The following TSC2 variants were observed in gnomAD, a reference collection of about 807,000 sequenced individuals.
The protein encoded by TSC2 is tuberin.
In TSC2, 29 loss-of-function variants were observed where a neutral mutation model predicts 202.2. The observed-to-expected ratio is 0.14, with a 90% CI of 0.11 to 0.20. TSC2 has a LOEUF of 0.20. Among genes scored for constraint, TSC2 ranks in the 10% least tolerant of loss-of-function variants. The probability of loss-of-function intolerance (pLI) is 1.00; values close to 1 mark genes in which losing one functional copy is unlikely to be tolerated. For missense variants in TSC2, 2,429 were observed against 2,420.0 expected, an observed-to-expected ratio of 1.00 and a Z score of -0.08; for synonymous variants, 1,349 against 1,044.0, an observed-to-expected ratio of 1.29 and a Z score of -5.63.
chr16:2,082,218 ACTTAGCGGCC>A, intron 31 of TSC2: 1 of 612,470 alleles, frequency 1.6e-6, no homozygotes, highest in Non-Finnish European at 2.9e-6. Context: ...TGCAGATGGC[ACTTAGCGGCC>A]TAGGACGTCT....
intron 31 of TSC2, 187 bp from the exon 32 acceptor site, chr16:2,082,249 G>C: frequency 1.5e-6 from 1 of 666,216 alleles, no homozygotes. Context: ...ATTCACGGGA[G>C]GAGGGAGGCA....
At chr16:2,056,433 C>G (rs1157876034) in intron 7 of TSC2, among the ~76,000 whole-genome samples, 189 bp downstream of exon 7, 1 of 152,228 alleles carries the variant, frequency 6.6e-6, no homozygotes, top group African/African-American at 2.4e-5. Flanking sequence ...AGATGTAGCT[C>G]AGGGTGGATG....
chr16:2,071,575 T>G lies in TSC2; in HGVS notation c.1905T>G (p.Asp635Glu), dbSNP rs1596342515. The G allele has an allele frequency of 6.2e-7, 1 of 1,613,494 alleles. No individual in the cohort carries two copies. Among genetic ancestry groups the G allele is most frequent in the Non-Finnish European group, 8.5e-7 (1 of 1,180,020 alleles). Residue 635 changes from aspartate to glutamate, a missense_variant, in exon 18 of 42, where the codon GAT becomes GAG. By Grantham distance (45) the Asp-to-Glu change is conservative (BLOSUM62 2). Transcript: ENST00000219476. ...SLHRLGLPNKDGVVRFSPYCV... is the reference protein window; with the variant it reads ...SLHRLGLPNKEGVVRFSPYCV... The stretch of plus-strand genomic sequence containing the variant: ...ACCGCCTGGGCCTGCCCAACAAGGA[T>G]GGAGTCGTGCGGTTCAGCCCCTACT...
At chr16:2,061,820 G>A in intron 11 of TSC2, 51 bp from the exon 12 acceptor site, 1 of 1,613,666 alleles carries the variant, frequency 6.2e-7, no homozygotes, top group Non-Finnish European at 8.5e-7. Context: ...CTGGTGCCAA[G>A]TCCATGTGGG....
In TSC2 at chr16:2,084,247, A is replaced by T; in HGVS notation, c.4025A>T (p.Gln1342Leu). Residue 1342 changes from glutamine to leucine, a missense_variant, in exon 34 of 42, where the codon CAG becomes CTG. Transcript: ENST00000219476. ...TTCTAGTCGTCCTCAGTCTCCAGCC[A>T]GGAGGAGAAGTCGCTCCACGCGGAG... Reference protein sequence around the residue: ...AYSRSSSVSSQEEKSLHAEEL... With the variant: ...AYSRSSSVSSLEEKSLHAEEL... 1 of 1,600,540 alleles carries T rather than the reference A, an allele frequency of 6.2e-7. No homozygotes were observed.
At position 2,088,199 on chromosome 16, in the gene TSC2, T is replaced by C. The variant is rs372242674; in HGVS notation, c.5161-28T>C. 24 of 1,580,448 alleles carry C rather than the reference T, an allele frequency of 1.5e-5. No homozygotes were observed. In the African/African-American group the frequency reaches 2.9e-4, roughly 19 times the overall value. On this transcript the variant is annotated intron_variant, in intron 40 of 41. Coordinates refer to ENST00000219476, the MANE Select transcript of TSC2 (RefSeq NM_000548.5). Reference sequence around the variant, plus strand: ...GACAGGCCCAGGTGCCACCTGATAGTGAGCTCACCCCCTGCCTACGTCCCC... The same window carrying C: ...GACAGGCCCAGGTGCCACCTGATAGCGAGCTCACCCCCTGCCTACGTCCCC...
intron 19 of TSC2, 98 bp from the exon 20 acceptor site, chr16:2,072,143 T>C: frequency 5.0e-6 from 8 of 1,596,028 alleles, no homozygotes; most frequent in Non-Finnish European, 6.0e-6. Flanking sequence ...CCATAGCCCT[T>C]GACGCTGTGC....
intron 31 of TSC2, 64 bp downstream of exon 31, chr16:2,081,862 G>A (rs1206257776): frequency 7.0e-6 from 11 of 1,577,322 alleles, no homozygotes; most frequent in Non-Finnish European, 8.6e-6. Flanking sequence ...CCCGGTGACG[G>A]CAATGTGGCT....
At chr16:2,081,127 A>G (rs1431712394) in intron 30 of TSC2, 1 of 262,882 alleles carries the variant, frequency 3.8e-6, no homozygotes, top group East Asian at 9.4e-5. Context: ...CTCCAGAGAC[A>G]GTCCCGTTCT....
intron 22 of TSC2, 80 bp downstream of exon 22, chr16:2,074,469 T>C: frequency 1.3e-6 from 2 of 1,545,174 alleles, no homozygotes; most frequent in Non-Finnish European, 1.8e-6. Flanking sequence ...GTGCCCTCTC[T>C]CAGGACTCCT....
At chr16:2,071,396 G>T in intron 17 of TSC2, 114 bp from the exon 18 acceptor site, 2 of 991,506 alleles carry the variant, frequency 2.0e-6, no homozygotes, top group South Asian at 1.4e-5. Context: ...CACATCAGCA[G>T]GTGGCCTTTT....
At chr16:2,078,354 C>T (rs906688798) in intron 26 of TSC2, 2 of 161,942 alleles carry the variant, frequency 1.2e-5, no homozygotes, top group Admixed American at 5.9e-5. Flanking sequence ...CCTGGAAGCC[C>T]GTTGCAGGCC....
intron 16 of TSC2, chr16:2,068,902 A>AT (rs2087796658): frequency 6.9e-6 from 1 of 144,866 alleles, no homozygotes; most frequent in Admixed American, 6.7e-5. Flanking sequence ...AATCATAAGG[A>AT]AGCGAAAATA....
intron 17 of TSC2, 117 bp downstream of exon 17, chr16:2,070,695 C>A: frequency 6.6e-7 from 1 of 1,518,200 alleles, no homozygotes; most frequent in South Asian, 1.2e-5. Flanking sequence ...CTCAGCTGAC[C>A]GTCCCTCCTC....
rs565779442 is a variant in TSC2, at chr16:2,066,953, C to T, written c.1716+1318C>T. ...CTGGGATTACAGGTGTGAGCCACCA[C>T]GCCCGGCCTGCCTCTACTTTTCAAA... On this transcript the variant is annotated intron_variant, in intron 16 of 41. Coordinates refer to ENST00000219476, the MANE Select transcript of TSC2 (RefSeq NM_000548.5). Among the ~76,000 whole-genome samples, 11 of 152,124 alleles carry T rather than the reference C, an allele frequency of 7.2e-5. No individual in the cohort carries two copies. The South Asian group carries it at 1.7e-3, about 23-fold the overall frequency.
intron 38 of TSC2, chr16:2,087,180 C>G (rs931192880): frequency 1.7e-5 from 8 of 459,362 alleles, no homozygotes; most frequent in African/African-American, 1.6e-4. Context: ...CCCCCACCAT[C>G]TCCCCAGTGG....
chr16:2,088,324 G>A lies in TSC2; in HGVS notation c.5258G>A (p.Arg1753Gln), dbSNP rs749487441. 6.2e-6 allele frequency: 10 copies of A among 1,612,680 alleles called. No homozygotes were observed. Among genetic ancestry groups the A allele is most frequent in the East Asian group, 2.2e-5 (1 of 44,882 alleles). ...CGCCACATCAAGCGGCTCCGCCAGC[G>A]GGTAGGGAATATGGGGCTCCCTCAG... ...RLRHIKRLRQ[R>Q]ICEEAAYSNP... is the part of the protein sequence containing the mutation. The change falls in exon 41 of 42, where the codon CGG becomes CAG. Residue 1753 changes from arginine to glutamine, a missense_variant and splice_region_variant. Arg to Gln is a conservative substitution (Grantham distance 43, BLOSUM62 1). Coordinates refer to ENST00000219476, the MANE Select transcript of TSC2 (RefSeq NM_000548.5).
chr16:2,087,084 C>G (rs1361403491), intron 38 of TSC2: 1 of 704,234 alleles, frequency 1.4e-6, no homozygotes, highest in African/African-American at 1.8e-5. Context: ...GAGTGTCTGT[C>G]AGGAGTAACT....
At chr16:2,077,572 G>C (rs750859415) in intron 25 of TSC2, 26 bp from the exon 26 acceptor site, 1 of 1,612,358 alleles carries the variant, frequency 6.2e-7, no homozygotes, top group Non-Finnish European at 8.5e-7. Flanking sequence ...TCTCTGGGGC[G>C]TTGGGGCTCC....
Sources: gnomAD v4.1 joint callset for allele counts (sites outside exome capture counted in the v4.1 genomes callset) on GRCh38, gnomAD v4.1.1 for gene constraint, MANE v1.5 for transcripts, NCBI Gene and HGNC (gene_info 2026-07-23, HGNC 2026-07-21) for gene names.